BMERB1: variants seen among roughly 807,000 people sequenced by gnomAD.
BMERB1 encodes the protein bMERB domain-containing protein 1.
A neutral mutation model predicts 23.6 loss-of-function variants in BMERB1; 12 were observed. That is an observed-to-expected ratio of 0.51 (90% confidence interval 0.33 to 0.82). The LOEUF (loss-of-function observed/expected upper bound fraction) is 0.82, where lower values mean the gene tolerates loss of function less well. Among genes scored for constraint, BMERB1 ranks in the 40% least tolerant of loss-of-function variants. The pLI, the probability that BMERB1 is intolerant of heterozygous loss-of-function variation, is 0.03. For synonymous variants in BMERB1, 122 were observed against 96.6 expected, an observed-to-expected ratio of 1.26 and a Z score of -1.54; for missense variants, 247 against 255.4, an observed-to-expected ratio of 0.97 and a Z score of 0.22.
intron 2 of BMERB1, among the ~76,000 whole-genome samples, chr16:15,559,389 C>T (rs1463295004): frequency 6.6e-6 from 1 of 152,168 alleles, no homozygotes; most frequent in African/African-American, 2.4e-5. Context: ...CCCGCTGCAA[C>T]TCATGGAGCC....
Position 15,434,692 on chromosome 16 carries a change from C to A in BMERB1, c.39C>A (p.Ala13=). ...LKQSLSTHLE[A]EKPLRRYGAV... ...AATCTTTGTCCACCCATCTGGAAGC[C>A]GAGAAGCCTCTGAGGCGCTATGGGG... The change falls in exon 1 of 6, where the codon GCC becomes GCA. Residue 13 remains alanine (A), a synonymous_variant. Coordinates refer to ENST00000300006, the MANE Select transcript of BMERB1 (RefSeq NM_033201.3). 6.2e-7 allele frequency: 1 copy of A among 1,613,308 alleles called. No individual in the cohort carries two copies. Among genetic ancestry groups the A allele is most frequent in the Non-Finnish European group, 8.5e-7 (1 of 1,179,896 alleles).
intron 4 of BMERB1, 112 bp from the exon 5 acceptor site, chr16:15,583,044 A>C (rs141749386): frequency 1.2e-6 from 1 of 804,918 alleles, no homozygotes; most frequent in African/African-American, 1.7e-5. Flanking sequence ...GACAACATAC[A>C]TGCCCCATCC....
intron 1 of BMERB1, among the ~76,000 whole-genome samples, chr16:15,485,725 A>AT (rs1278700770): frequency 6.6e-6 from 1 of 151,664 alleles, no homozygotes; most frequent in East Asian, 1.9e-4. Flanking sequence ...AAAAAAAAAA[A>AT]GCAAACAAAC....
chr16:15,583,902 C>T (rs2150978493), intron 5 of BMERB1: 4 of 662,510 alleles, frequency 6.0e-6, no homozygotes, highest in Admixed American at 4.7e-5. Context: ...CTGCAAACTA[C>T]GTACCTGGTC....
Position 15,487,711 on chromosome 16 carries a change from G to A in BMERB1, c.107-27594G>A, listed in dbSNP as rs1340837133. On this transcript the variant is annotated intron_variant, in intron 1 of 5. Transcript: ENST00000300006. ...TTTTTCTAAATTATATGCTAAACAA[G>A]GGGCGAATTATTCATGAGTTTTCTG... Among the ~76,000 whole-genome samples, 3 of 152,188 alleles carry A rather than the reference G, an allele frequency of 2.0e-5. 1 individual carries two copies. The highest frequency in any genetic ancestry group is 4.1e-4 in the South Asian group (2 of 4,836).
At chr16:15,438,819 CTCTT>C (rs1160255468) in intron 1 of BMERB1, among the ~76,000 whole-genome samples, 2 of 152,162 alleles carry the variant, frequency 1.3e-5, no homozygotes, top group East Asian at 3.9e-4. Flanking sequence ...TTTTGGAACA[CTCTT>C]TCAACTCTCA....
intron 1 of BMERB1, among the ~76,000 whole-genome samples, chr16:15,459,938 C>T (rs999923577): frequency 6.6e-6 from 1 of 152,178 alleles, no homozygotes; most frequent in Non-Finnish European, 1.5e-5. Context: ...TTCTTTTCTT[C>T]TCAATTCTCT....
chr16:15,572,681 T>C (rs963116096), intron 3 of BMERB1, among the ~76,000 whole-genome samples: 1 of 152,352 alleles, frequency 6.6e-6, no homozygotes, highest in Non-Finnish European at 1.5e-5. Context: ...GCAATTGATC[T>C]GGCATTGTTG....
chr16:15,469,129 A>C (rs2051208499), intron 1 of BMERB1, among the ~76,000 whole-genome samples: 1 of 151,872 alleles, frequency 6.6e-6, no homozygotes, highest in Admixed American at 6.6e-5. Flanking sequence ...ACACCTGGCT[A>C]ACTTTTGTAT....
chr16:15,479,155 C>T, intron 1 of BMERB1, among the ~76,000 whole-genome samples: 1 of 152,162 alleles, frequency 6.6e-6, no homozygotes, highest in East Asian at 1.9e-4. Flanking sequence ...CAAACTTGAG[C>T]TTTCAAATAA....
intron 2 of BMERB1, among the ~76,000 whole-genome samples, chr16:15,532,001 C>T (rs575549003): frequency 8.5e-5 from 13 of 152,268 alleles, no homozygotes; most frequent in Admixed American, 2.6e-4. Flanking sequence ...ACCAGATTCC[C>T]GAGCACCCCC....
intron 2 of BMERB1, among the ~76,000 whole-genome samples, chr16:15,524,340 CG>C (rs1226837661): frequency 6.6e-6 from 1 of 151,776 alleles, no homozygotes; most frequent in Non-Finnish European, 1.5e-5. Context: ...GAAGAAGAAA[CG>C]GAGAGACTAA....
chr16:15,483,668 C>T (rs1473638043), intron 1 of BMERB1, among the ~76,000 whole-genome samples: 4 of 152,188 alleles, frequency 2.6e-5, no homozygotes. Context: ...GCATGAGCCA[C>T]CGTGCCTGGC....
intron 1 of BMERB1, among the ~76,000 whole-genome samples, chr16:15,458,439 G>A (rs1232489767): frequency 2.0e-5 from 3 of 152,180 alleles, no homozygotes; most frequent in African/African-American, 7.2e-5. Flanking sequence ...TTGCAGCCAA[G>A]TATGGTGGCT....
In BMERB1 at chr16:15,495,972, AATG is replaced by A. The variant is rs377531870; in HGVS notation, c.107-19324_107-19322del. Among the ~76,000 whole-genome samples the A allele has an allele frequency of 3.0e-3, 447 of 149,344 alleles. 4 individuals are homozygous for A. The highest frequency in any genetic ancestry group is 0.011 in the African/African-American group (424 of 39,178). ...TGATGGTGGTGATGGTGGTGGTGGC[AATG>A]ATGATGATAGTGATGTTGATGGTGG... On this transcript the variant is annotated intron_variant, in intron 1 of 5. Coordinates refer to ENST00000300006, the MANE Select transcript of BMERB1 (RefSeq NM_033201.3).
Position 15,515,364 on chromosome 16 carries a change from G to C in BMERB1, c.166G>C (p.Glu56Gln). Reference protein sequence around the residue: ...TTMMPEEIELEMAKIQRLREV... With the variant: ...TTMMPEEIELQMAKIQRLREV... ...CATGATGCCAGAGGAGATTGAGCTG[G>C]AGATGGCAAAAATTCAGCGTCTCCG... The change falls in exon 2 of 6, where the codon GAG becomes CAG. Residue 56 changes from glutamate (E) to glutamine (Q), a missense_variant. Glu to Gln is a conservative substitution (Grantham distance 29, BLOSUM62 2). Transcript: ENST00000300006. The C allele has an allele frequency of 6.2e-7, 1 of 1,613,996 alleles. No individual in the cohort carries two copies. The highest frequency in any genetic ancestry group is 8.5e-7 in the Non-Finnish European group (1 of 1,180,022).
intron 1 of BMERB1, among the ~76,000 whole-genome samples, chr16:15,467,204 C>T (rs914470453): frequency 1.3e-5 from 2 of 152,140 alleles, no homozygotes; most frequent in African/African-American, 4.8e-5. Context: ...CTGAGATAAA[C>T]GCTCAGGAGT....
intron 1 of BMERB1, among the ~76,000 whole-genome samples, chr16:15,506,622 C>G (rs1255723628): frequency 1.3e-5 from 2 of 152,084 alleles, no homozygotes; most frequent in Non-Finnish European, 2.9e-5. Context: ...ACTCCTCAAC[C>G]ATCACGATTG....
intron 1 of BMERB1, among the ~76,000 whole-genome samples, chr16:15,441,453 G>C (rs1258811008): frequency 6.6e-6 from 1 of 151,844 alleles, no homozygotes; most frequent in African/African-American, 2.4e-5. Flanking sequence ...GTGTGATCTT[G>C]GCTTGCTGCA....
Sources: gnomAD v4.1 joint callset for allele counts (sites outside exome capture counted in the v4.1 genomes callset) on GRCh38, gnomAD v4.1.1 for gene constraint, MANE v1.5 for transcripts, NCBI Gene and HGNC (gene_info 2026-07-23, HGNC 2026-07-21) for gene names.